Variants in ZNF516 observed in about 807,000 individuals in gnomAD.
The protein encoded by ZNF516 is zinc finger protein 516.
Under a neutral mutation model 79.7 loss-of-function variants are expected in ZNF516, and 19 were observed. The observed-to-expected ratio is 0.24, with a 90% CI of 0.17 to 0.35. ZNF516 has a LOEUF of 0.35. Among genes scored for constraint, ZNF516 ranks in the 10% least tolerant of loss-of-function variants. ZNF516 has a pLI of 1.00. For missense variants in ZNF516, 1,678 were observed against 1,679.5 expected, an observed-to-expected ratio of 1.00 and a Z score of 0.02; for synonymous variants, 877 against 739.5, an observed-to-expected ratio of 1.19 and a Z score of -3.02.
At position 76,380,265 on chromosome 18, in the gene ZNF516, T is replaced by A. The variant is rs765089218; in HGVS notation, c.1849A>T (p.Thr617Ser). The A allele has an allele frequency of 1.2e-6, 2 of 1,613,812 alleles. No individual in the cohort carries two copies. The highest frequency in any genetic ancestry group is 3.3e-5 in the Admixed American group (2 of 60,026). The change falls in exon 4 of 7, where the codon ACT becomes TCT. Residue 617 changes from threonine to serine, a missense_variant. Physicochemically the swap from Thr to Ser is moderately conservative, Grantham distance 58. Around this residue, in one of 5 missense-constraint regions of ZNF516, gnomAD observed 1,294 missense variants for 1,248.3 expected, o/e 1.04. Transcript: ENST00000443185. ...PRRCCFSEEV[T>S]STELSSGDQS... ...TCTCCACTGGAGAGCTCGGTCGAAG[T>A]CACCTCTTCGGAAAAGCAGCAGCGG...
chr18:76,436,697 C>A (rs1224494997), intron 3 of ZNF516, among the ~76,000 whole-genome samples: 2 of 152,130 alleles, frequency 1.3e-5, no homozygotes, highest in African/African-American at 4.8e-5. Flanking sequence ...CAGGCAGACA[C>A]CCCTCCCAGC....
chr18:76,444,849 T>G (rs1006134278), intron 2 of ZNF516, among the ~76,000 whole-genome samples: 2 of 152,230 alleles, frequency 1.3e-5, no homozygotes, highest in African/African-American at 4.8e-5. Flanking sequence ...CCCCATGCTG[T>G]GCCCTCTCAC....
intron 3 of ZNF516, among the ~76,000 whole-genome samples, chr18:76,401,670 G>C (rs1220335775): frequency 2.0e-5 from 3 of 149,272 alleles, no homozygotes; most frequent in Non-Finnish European, 3.0e-5. Flanking sequence ...GGTGAGCCCG[G>C]AGCACAACCG....
In ZNF516 at chr18:76,359,731, T is replaced by C. The variant is rs1265720712; in HGVS notation, c.*2767A>G. 1 of 151,188 alleles carries C rather than the reference T, an allele frequency of 6.6e-6. No individual in the cohort carries two copies. The highest frequency in any genetic ancestry group is 1.5e-5 in the Non-Finnish European group (1 of 67,852). The allele number at this position is 151,188 out of a possible 1,614,324, so 9.4% of individuals were successfully genotyped here. A position where few individuals can be genotyped will look rare whatever the true frequency, so the allele number is the denominator to read the frequency against. Reference sequence around the variant, plus strand: ...GACGCAACACTGTAAAAAATCCTGTTAAGAAACAAGGAAACAGCAGATCGG... The same window carrying C: ...GACGCAACACTGTAAAAAATCCTGTCAAGAAACAAGGAAACAGCAGATCGG... On this transcript the variant is annotated 3_prime_UTR_variant, in exon 7 of 7. Transcript: ENST00000443185.
At chr18:76,425,714 T>C (rs2075583977) in intron 3 of ZNF516, among the ~76,000 whole-genome samples, 3 of 152,214 alleles carry the variant, frequency 2.0e-5, no homozygotes, top group Admixed American at 2.0e-4. Flanking sequence ...ACACCTGAAC[T>C]CTTACCAGAC....
intron 1 of ZNF516, among the ~76,000 whole-genome samples, chr18:76,482,875 T>C (rs1364666730): frequency 6.6e-6 from 1 of 152,344 alleles, no homozygotes; most frequent in South Asian, 2.1e-4. Context: ...ATGACTACAC[T>C]GATTAAATAA....
chr18:76,423,967 GAAAAGGCTCCCCCGAAACACACACAGGTA>G (rs2075551356), intron 3 of ZNF516, among the ~76,000 whole-genome samples: 2 of 139,464 alleles, frequency 1.4e-5, no homozygotes, highest in African/African-American at 2.7e-5. Flanking sequence ...ACACGCAGGT[GAAAAGGCTCCCCCGAAACACACACAGGTA>G]AAAAGGCTTC....
intron 3 of ZNF516, chr18:76,387,422 A>G (rs2075010180): frequency 6.6e-6 from 1 of 152,218 alleles, no homozygotes; most frequent in African/African-American, 2.4e-5. Context: ...ACAGGCCCGC[A>G]CACGCTCTGC....
chr18:76,455,731 C>T (rs1037121373), intron 2 of ZNF516, among the ~76,000 whole-genome samples: 7 of 152,178 alleles, frequency 4.6e-5, no homozygotes, highest in South Asian at 4.1e-4. Flanking sequence ...ACGTGAGATG[C>T]GCCAATGCAA....
Position 76,441,774 on chromosome 18 carries a change from C to T in ZNF516, c.1281G>A (p.Val427=), listed in dbSNP as rs1198123349. ...ACTTGAGGTACTCGGCCGGCTCGGC[C>T]ACCTTACCCCGCGTGGCCAGCTGCC... ...QAWQLATRGK[V]AEPAEYLKYG... is the part of the protein sequence containing the mutation. The change falls in exon 3 of 7, where the codon GTG becomes GTA. Residue 427 remains valine, a synonymous_variant. Coordinates refer to ENST00000443185, the MANE Select transcript of ZNF516 (RefSeq NM_014643.4). 3.8e-6 allele frequency: 6 copies of T among 1,562,102 alleles called. No individual in the cohort carries two copies. Among genetic ancestry groups the T allele is most frequent in the African/African-American group, 1.4e-5 (1 of 73,820 alleles).
At position 76,442,260 on chromosome 18, in the gene ZNF516, C is replaced by G; in HGVS notation, c.795G>C (p.Ala265=). The change falls in exon 3 of 7, where the codon GCG becomes GCC. Residue 265 remains alanine (A), a synonymous_variant. Coordinates refer to ENST00000443185, the MANE Select transcript of ZNF516 (RefSeq NM_014643.4). The stretch of plus-strand genomic sequence containing the variant: ...AGGAGCCCCGGTGCTTCTTCATGTG[C>G]GCCTTCAGGAACCAGGTCTGGCTGA... ...QAFSQTWFLK[A]HMKKHRGSFD... 1 of 1,613,592 alleles carries G rather than the reference C, an allele frequency of 6.2e-7. No homozygotes were observed. Among genetic ancestry groups the G allele is most frequent in the Non-Finnish European group, 8.5e-7 (1 of 1,179,828 alleles).
At chr18:76,440,725 AGTGTGTGTGTGTGTGTTT>A (rs1314472492) in intron 3 of ZNF516, among the ~76,000 whole-genome samples, 1 of 118,738 alleles carries the variant, frequency 8.4e-6, no homozygotes, top group Non-Finnish European at 1.8e-5. Context: ...AGTGGAGGAA[AGTGTGTGTGTGTGTGTTT>A]GTGTGTGTGT....
intron 1 of ZNF516, among the ~76,000 whole-genome samples, chr18:76,471,968 G>A (rs1436453378): frequency 2.6e-5 from 4 of 152,062 alleles, no homozygotes; most frequent in Non-Finnish European, 2.9e-5. Context: ...CCCTCTCAAC[G>A]CATCCAGTGG....
intron 1 of ZNF516, among the ~76,000 whole-genome samples, chr18:76,477,578 C>T (rs1002227736): frequency 6.6e-6 from 1 of 152,174 alleles, no homozygotes; most frequent in African/African-American, 2.4e-5. Flanking sequence ...CTTTGTGGCA[C>T]TTTTAAATAC....
intron 3 of ZNF516, among the ~76,000 whole-genome samples, chr18:76,429,769 G>C (rs1477445279): frequency 6.6e-6 from 1 of 152,206 alleles, no homozygotes. Flanking sequence ...TTCTGACCCA[G>C]AATGGAAAAT....
intron 3 of ZNF516, among the ~76,000 whole-genome samples, chr18:76,422,784 T>C (rs1173602151): frequency 6.6e-6 from 1 of 151,970 alleles, no homozygotes; most frequent in Non-Finnish European, 1.5e-5. Context: ...AAACTGCATA[T>C]ATTGTGGGCA....
At chr18:76,384,004 C>T (rs1162784473) in intron 3 of ZNF516, among the ~76,000 whole-genome samples, 2 of 152,182 alleles carry the variant, frequency 1.3e-5, no homozygotes, top group Admixed American at 6.5e-5. Flanking sequence ...ACAGCCAGGT[C>T]AAAACAAAAC....
chr18:76,419,129 G>T (rs145600009), intron 3 of ZNF516, among the ~76,000 whole-genome samples: 39 of 152,334 alleles, frequency 2.6e-4, no homozygotes, highest in African/African-American at 9.1e-4. Context: ...CTAAATGCCA[G>T]AAATGGGTTA....
At chr18:76,431,108 T>C (rs999638255) in intron 3 of ZNF516, among the ~76,000 whole-genome samples, 2 of 152,176 alleles carry the variant, frequency 1.3e-5, no homozygotes, top group African/African-American at 2.4e-5. Flanking sequence ...ATGCAAATAC[T>C]GGATCCTATC....
Sources: allele counts gnomAD v4.1 joint callset (sites outside exome capture counted in the v4.1 genomes callset), GRCh38; gene constraint gnomAD v4.1.1; regional missense constraint gnomAD v4.1.1; transcripts MANE v1.5; gene names NCBI Gene and HGNC (gene_info 2026-07-23, HGNC 2026-07-21).